The following MAGI3 variants were observed in gnomAD, a reference collection of about 807,000 sequenced individuals.
The protein encoded by MAGI3 is membrane-associated guanylate kinase, WW and PDZ domain-containing protein 3.
A neutral mutation model predicts 121.8 loss-of-function variants in MAGI3; 43 were observed. That is an observed-to-expected ratio of 0.35 (90% CI 0.28 to 0.46). The LOEUF is 0.46. MAGI3 is among the 20% of genes least tolerant of loss of function. The pLI, the probability that MAGI3 is intolerant of heterozygous loss-of-function variation, is 1.00. For synonymous variants in MAGI3, 553 were observed against 639.3 expected, an observed-to-expected ratio of 0.86 and a Z score of 2.04; for missense variants, 1,547 against 1,797.3, an observed-to-expected ratio of 0.86 and a Z score of 2.52.
Position 113,514,351 on chromosome 1 carries a change from C to A in MAGI3, c.317-35164C>A, listed in dbSNP as rs1011263042. Among the ~76,000 whole-genome samples, 20 of 152,108 alleles carry A rather than the reference C, an allele frequency of 1.3e-4. No homozygotes were observed. In the South Asian group the frequency reaches 3.3e-3, roughly 25 times the overall value. On this transcript the variant is annotated intron_variant, in intron 1 of 20. Transcript: ENST00000307546. ...GTATGTTTATTGCAGCACTATTCAC[C>A]ATAGCAAAGACTTGGAACCAACCCA...
chr1:113,568,352 G>T (rs1045009725), intron 2 of MAGI3, among the ~76,000 whole-genome samples: 1 of 152,160 alleles, frequency 6.6e-6, no homozygotes, highest in East Asian at 1.9e-4. Context: ...TGCTAAAGAA[G>T]ATCTAAATAT....
chr1:113,579,491 G>A (rs139382587), intron 2 of MAGI3, among the ~76,000 whole-genome samples: 286 of 152,298 alleles, frequency 1.9e-3, no homozygotes, highest in African/African-American at 6.7e-3. Flanking sequence ...TTTGTAAAAT[G>A]TGTTGTTATA....
At chr1:113,417,682 C>T (rs1262857964) in intron 1 of MAGI3, among the ~76,000 whole-genome samples, 1 of 152,022 alleles carries the variant, frequency 6.6e-6, no homozygotes, top group Non-Finnish European at 1.5e-5. Context: ...GCTATGTATT[C>T]CTCCTGTATA....
chr1:113,658,923 T>A lies in MAGI3; in HGVS notation c.2630-157T>A, dbSNP rs1257045362. Among the ~76,000 whole-genome samples, 1 of 152,230 alleles carries A rather than the reference T, an allele frequency of 6.6e-6. No individual in the cohort carries two copies. The highest frequency in any genetic ancestry group is 1.5e-5 in the Non-Finnish European group (1 of 68,048). ...GCAAAAGTGAGAAGTATGAAAATAG[T>A]TCCGTTTGGATGCGATGATGACGTG... On this transcript the variant is annotated intron_variant, in intron 15 of 20. Transcript: ENST00000307546. This position sits in a 1 kb window ranked among gnomAD's most constrained non-coding sequence, Gnocchi z 4.0.
intron 1 of MAGI3, among the ~76,000 whole-genome samples, chr1:113,536,556 T>C (rs1168106533): frequency 6.6e-6 from 1 of 152,138 alleles, no homozygotes; most frequent in African/African-American, 2.4e-5. Context: ...GATGGTGACA[T>C]CTAACACACA....
rs555650575 is a variant in MAGI3, at chr1:113,669,372, ATGTGGGAAATGC to A, written c.2816-2357_2816-2346del. ...CAGGTGTTCTGCCAGCTCTGACACA[ATGTGGGAAATGC>A]TGTGAGAACATTGTGATCACAGTGT... On this transcript the variant is annotated intron_variant, in intron 16 of 20. Transcript: ENST00000307546. 1.3e-4 allele frequency among the ~76,000 whole-genome samples: 20 copies of A among 152,282 alleles called. No homozygotes were observed. The South Asian group carries it at 4.1e-3, about 32-fold the overall frequency.
chr1:113,679,189 G>A (rs1442507066), intron 19 of MAGI3, among the ~76,000 whole-genome samples: 2 of 152,046 alleles, frequency 1.3e-5, no homozygotes, highest in Admixed American at 1.3e-4. Context: ...ATATGAATGA[G>A]TTCCCATCTC....
chr1:113,641,847 C>T (rs901251760), intron 9 of MAGI3, 64 bp from the exon 10 acceptor site: 120 of 1,457,580 alleles, frequency 8.2e-5, no homozygotes, highest in Non-Finnish European at 9.6e-5. Flanking sequence ...ATTTTTGCCC[C>T]TCTAGCAAAA....
At chr1:113,600,070 C>T (rs1239543389) in intron 6 of MAGI3, among the ~76,000 whole-genome samples, 2 of 152,122 alleles carry the variant, frequency 1.3e-5, no homozygotes, top group African/African-American at 2.4e-5. Context: ...TGGGACATAT[C>T]TCAAAATAAT....
chr1:113,521,026 C>T (rs1658150028), intron 1 of MAGI3, among the ~76,000 whole-genome samples: 1 of 151,988 alleles, frequency 6.6e-6, no homozygotes, highest in South Asian at 2.1e-4. Flanking sequence ...GCTCTCCCTA[C>T]ATCAGCCATC....
chr1:113,443,092 A>G (rs1653998780), intron 1 of MAGI3, among the ~76,000 whole-genome samples: 1 of 152,202 alleles, frequency 6.6e-6, no homozygotes, highest in Non-Finnish European at 1.5e-5. Context: ...TGGCTTAGCA[A>G]TTCAGTATGC....
rs1375296697 is a variant in MAGI3, at chr1:113,653,923, C to A, written c.2534C>A (p.Ala845Glu). 3 of 1,613,950 alleles carry A rather than the reference C, an allele frequency of 1.9e-6. No individual in the cohort carries two copies. Among genetic ancestry groups the A allele is most frequent in the Admixed American group, 3.3e-5 (2 of 59,992 alleles). ...LNRAEVPARP[A>E]PQEPYDVVLQ... ...CGGGCAGAGGTCCCAGCCAGGCCTG[C>A]ACCCCAGGAGCCCTATGATGTTGTC... Residue 845 changes from alanine to glutamate, a missense_variant, in exon 15 of 21, where the codon GCA becomes GAA. Transcript: ENST00000307546.
Position 113,659,735 on chromosome 1 carries a change from G to A in MAGI3, c.2815+470G>A, listed in dbSNP as rs149952797. On this transcript the variant is annotated intron_variant, in intron 16 of 20. Transcript: ENST00000307546. Reference sequence around the variant, plus strand: ...CTTTGTAAACAGGGTAAAGGAGTGCGTGGGAATGGCTAGTAAGTGGGGCAT... The same window carrying A: ...CTTTGTAAACAGGGTAAAGGAGTGCATGGGAATGGCTAGTAAGTGGGGCAT... Among the ~76,000 whole-genome samples the A allele has an allele frequency of 3.0e-4, 46 of 152,276 alleles. 1 individual carries two copies. The highest frequency in any genetic ancestry group is 6.8e-3 in the Middle Eastern group (2 of 294).
rs994243973 is a variant in MAGI3 at position 113,631,300 on chromosome 1, G to A, written c.1360+8306G>A. ...CACTATGATTGCTCACCTGCTTTTT[G>A]TCTCTTGTAACGGTACTTTTAGTGT... On this transcript the variant is annotated intron_variant, in intron 9 of 20. Coordinates refer to ENST00000307546, the MANE Select transcript of MAGI3 (RefSeq NM_001142782.2). Among the ~76,000 whole-genome samples the A allele has an allele frequency of 3.3e-5, 5 of 152,098 alleles. No homozygotes were observed. The South Asian group carries it at 8.3e-4, about 25-fold the overall frequency.
chr1:113,627,694 G>C (rs1052407192), intron 9 of MAGI3, among the ~76,000 whole-genome samples: 2 of 150,690 alleles, frequency 1.3e-5, no homozygotes, highest in East Asian at 1.9e-4. Context: ...ATGTGTCTGG[G>C]TACTCCAGTG....
intron 2 of MAGI3, among the ~76,000 whole-genome samples, chr1:113,561,478 C>G (rs1038253148): frequency 2.0e-5 from 3 of 152,122 alleles, no homozygotes; most frequent in African/African-American, 7.2e-5. Context: ...AATCAATAAA[C>G]GTAATTCACC....
chr1:113,596,099 C>A, intron 6 of MAGI3, among the ~76,000 whole-genome samples: 1 of 150,468 alleles, frequency 6.6e-6, no homozygotes, highest in African/African-American at 2.4e-5. Flanking sequence ...AGCCAAAGAA[C>A]CTTAAAAAAA....
At chr1:113,428,152 A>G (rs12032395) in intron 1 of MAGI3, among the ~76,000 whole-genome samples, 23,211 of 152,078 alleles carry the variant, frequency 0.15, 2,819 homozygotes, top group East Asian at 0.63. Context: ...ATTTTAGTGT[A>G]GTTCAACTTG....
chr1:113,545,830 A>T (rs912012871), intron 1 of MAGI3, among the ~76,000 whole-genome samples: 1 of 150,600 alleles, frequency 6.6e-6, no homozygotes, highest in Non-Finnish European at 1.5e-5. Context: ...CTATGTTAAG[A>T]ATGCTAACGT....
Sources: allele counts gnomAD v4.1 joint callset (sites outside exome capture counted in the v4.1 genomes callset), GRCh38; gene constraint gnomAD v4.1.1; non-coding constraint Gnocchi (gnomAD v3.1); transcripts MANE v1.5; gene names NCBI Gene and HGNC (gene_info 2026-07-23, HGNC 2026-07-21).